The following ZNF138 variants were observed in gnomAD, a reference collection of about 807,000 sequenced individuals.
The protein encoded by ZNF138 is zinc finger protein 138 (clone pHZ-32).
In ZNF138, 33 loss-of-function variants were observed where a neutral mutation model predicts 33.0. The observed-to-expected ratio is 1.00, with a 90% CI of 0.76 to 1.34. The LOEUF (loss-of-function observed/expected upper bound fraction) is 1.34. Among genes scored for constraint, ZNF138 ranks in the 40% most tolerant of loss-of-function variants. ZNF138 has a pLI of 0.00. For missense variants in ZNF138, 360 were observed against 370.8 expected (o/e 0.97, Z 0.24); for synonymous variants, 139 against 120.4 (o/e 1.15, Z -1.01).
chr7:64,827,031 T>C (rs547742329), intron 3 of ZNF138, among the ~76,000 whole-genome samples: 1 of 152,166 alleles, frequency 6.6e-6, no homozygotes, highest in African/African-American at 2.4e-5. Context: ...TCTATATACA[T>C]TTATAATAAA....
At chr7:64,806,018 G>A (rs1186197815) in intron 1 of ZNF138, among the ~76,000 whole-genome samples, 2 of 152,192 alleles carry the variant, frequency 1.3e-5, no homozygotes, top group African/African-American at 4.8e-5. Context: ...GTTGAATTGT[G>A]TAATAAAACA....
At chr7:64,798,195 C>A (rs1411836772) in intron 1 of ZNF138, among the ~76,000 whole-genome samples, 1 of 152,194 alleles carries the variant, frequency 6.6e-6, no homozygotes, top group Non-Finnish European at 1.5e-5. Context: ...CTCTTCTCAG[C>A]CTCTCAAAGT....
At chr7:64,848,899 T>C in the ZNF138 span, among the ~76,000 whole-genome samples, 2 of 152,022 alleles carry the variant, frequency 1.3e-5, no homozygotes, top group African/African-American at 2.4e-5. Context: ...AGAGACAGCA[T>C]TTCCCTATGT....
chr7:64,817,418 C>T (rs1788741471), intron 3 of ZNF138, among the ~76,000 whole-genome samples: 1 of 152,180 alleles, frequency 6.6e-6, no homozygotes, highest in African/African-American at 2.4e-5. Flanking sequence ...TGCAGTTTGC[C>T]ACCTGAATGA....
At chr7:64,816,087 C>T (rs1261745339) in intron 3 of ZNF138, among the ~76,000 whole-genome samples, 3 of 151,444 alleles carry the variant, frequency 2.0e-5, no homozygotes, top group East Asian at 1.9e-4. Context: ...ATATTCCATT[C>T]TGTTTTTATT....
chr7:64,819,173 A>G (rs1485718601), intron 3 of ZNF138, among the ~76,000 whole-genome samples: 1 of 152,086 alleles, frequency 6.6e-6, no homozygotes, highest in Non-Finnish European at 1.5e-5. Context: ...TATGTGTTTT[A>G]TTTACAAATA....
intron 1 of ZNF138, among the ~76,000 whole-genome samples, chr7:64,803,973 A>G (rs1253045472): frequency 6.6e-6 from 1 of 152,202 alleles, no homozygotes; most frequent in Non-Finnish European, 1.5e-5. Context: ...TGGCCACCCA[A>G]AAACCGTAAT....
the ZNF138 span, among the ~76,000 whole-genome samples, chr7:64,841,335 A>G: frequency 0.99 from 150,089 of 152,306 alleles, 73,992 homozygotes; most frequent in East Asian, 1. Context: ...ATTGACATAA[A>G]TATATTTATT....
rs561472083 is a variant in ZNF138 at position 64,831,452 on chromosome 7, T to C, written c.210T>C (p.Ala70=). 6.5e-7 allele frequency: 1 copy of C among 1,544,866 alleles called. No homozygotes were observed. Among genetic ancestry groups the C allele is most frequent in the East Asian group, 2.3e-5 (1 of 44,404 alleles). ...TTTGTTATTTTTTGTTTCTTTCAGC[T>C]CTGTGTTCTCGTTTTGCCCAAGACC... The part of the protein sequence containing the change: ...RHEMVVAKHS[A]LCSRFAQDLW... The change falls in exon 4 of 4, where the codon GCT becomes GCC. Residue 70 remains alanine, a splice_region_variant and synonymous_variant. Transcript: ENST00000307355.
chr7:64,831,998 ATGTGCACAC>A lies in ZNF138; in HGVS notation c.761_769del (p.Ala254_Cys256del), dbSNP rs754265754. 2 of 1,613,658 alleles carry A rather than the reference ATGTGCACAC, an allele frequency of 1.2e-6. No homozygotes were observed. The highest frequency in any genetic ancestry group is 1.3e-5 in the African/African-American group (1 of 74,918). ...TTCGTACTGGAGAAAAACCCTATAAATGTGCACACTGTGGCAAAGCCTTTAAACAGTCCT... is the reference window on the plus strand; with the variant it reads ...TTCGTACTGGAGAAAAACCCTATAAATGTGGCAAAGCCTTTAAACAGTCCT... On this transcript the variant is annotated inframe_deletion, in exon 4 of 4. Transcript: ENST00000307355.
downstream of ZNF138, chr7:64,835,453 G>T (rs930434168): frequency 6.6e-6 from 1 of 152,066 alleles, no homozygotes. Context: ...ATTATACAGA[G>T]AATTATAATT....
At chr7:64,850,610 G>GT in the ZNF138 span, among the ~76,000 whole-genome samples, 2 of 152,170 alleles carry the variant, frequency 1.3e-5, no homozygotes, top group African/African-American at 4.8e-5. Context: ...TTGAAACGCC[G>GT]TATCAGGTGG....
downstream of ZNF138, among the ~76,000 whole-genome samples, chr7:64,835,121 T>C (rs1241645562): frequency 1.3e-5 from 2 of 151,972 alleles, no homozygotes; most frequent in African/African-American, 4.8e-5. Flanking sequence ...TGACACGCCC[T>C]AGTGGGCATG....
Position 64,815,027 on chromosome 7 carries a change from G to A in ZNF138, c.113G>A (p.Arg38Lys). 6.2e-7 allele frequency: 1 copy of A among 1,606,684 alleles called. No homozygotes were observed. Among genetic ancestry groups the A allele is most frequent in the Non-Finnish European group, 8.5e-7 (1 of 1,176,746 alleles). Residue 38 changes from arginine (R) to lysine (K), a missense_variant, in exon 2 of 4, where the codon AGA becomes AAA. Arg to Lys is a conservative substitution (Grantham distance 26, BLOSUM62 2). Transcript: ENST00000307355. The part of the protein sequence containing the change: ...VYRHVMLENY[R>K]NLVFLDLITC... ...AGGCATGTGATGTTAGAGAACTACA[G>A]AAACCTGGTTTTCTTGGGTGAGAAT...
the ZNF138 span, among the ~76,000 whole-genome samples, chr7:64,850,163 A>T: frequency 6.6e-6 from 1 of 152,162 alleles, no homozygotes; most frequent in Non-Finnish European, 1.5e-5. Flanking sequence ...AGCTCTCTAA[A>T]TTGACTCAGC....
chr7:64,818,720 A>G (rs929081660), intron 3 of ZNF138, among the ~76,000 whole-genome samples: 1 of 137,808 alleles, frequency 7.3e-6, no homozygotes, highest in Admixed American at 7.3e-5. Flanking sequence ...TCTGCACTTT[A>G]GCCTGGGTGA....
At chr7:64,796,426 T>G (rs888664745) in intron 1 of ZNF138, among the ~76,000 whole-genome samples, 4 of 151,006 alleles carry the variant, frequency 2.6e-5, no homozygotes, top group Non-Finnish European at 5.9e-5. Context: ...TGCCACTCCC[T>G]GGGATTGTCA....
chr7:64,831,435 T>G lies in ZNF138; in HGVS notation c.209-16T>G. ...TCTAGCAGGTGGAGTAATTTGTTAT[T>G]TTTTGTTTCTTTCAGCTCTGTGTTC... On this transcript the variant is annotated splice_polypyrimidine_tract_variant and intron_variant, in intron 3 of 3. Transcript: ENST00000307355. 2.6e-6 allele frequency: 4 copies of G among 1,519,402 alleles called. No individual in the cohort carries two copies. The highest frequency in any genetic ancestry group is 3.5e-6 in the Non-Finnish European group (4 of 1,137,900). The allele number at this position is 1,519,402 out of a possible 1,614,324, so 94.1% of individuals were successfully genotyped here.
intron 1 of ZNF138, among the ~76,000 whole-genome samples, chr7:64,813,515 G>A (rs997166689): frequency 6.6e-6 from 1 of 150,898 alleles, no homozygotes; most frequent in Non-Finnish European, 1.5e-5. Flanking sequence ...CTCACTGCAA[G>A]CTCTGCCTCC....
Sources: gnomAD v4.1 joint callset for allele counts (sites outside exome capture counted in the v4.1 genomes callset) on GRCh38, gnomAD v4.1.1 for gene constraint, MANE v1.5 for transcripts, NCBI Gene and HGNC (gene_info 2026-07-23, HGNC 2026-07-21) for gene names.